The following EPHA6 variants were observed in gnomAD, a reference collection of about 807,000 sequenced individuals.
EPHA6 encodes EPH receptor A6, also known as ephrin type-A receptor 6.
A neutral mutation model predicts 112.0 loss-of-function variants in EPHA6; 50 were observed. The observed-to-expected ratio is 0.45, with a 90% CI of 0.36 to 0.56. The LOEUF (loss-of-function observed/expected upper bound fraction) is 0.56. Ranked by LOEUF, EPHA6 falls within the 20% of genes least tolerant of loss-of-function variation. EPHA6 has a pLI of 0.00. For synonymous variants in EPHA6, 529 were observed against 490.7 expected (o/e 1.08, Z -1.03); for missense variants, 1,280 against 1,417.4 (o/e 0.90, Z 1.56).
chr3:97,545,762 A>C (rs2092936635), intron 11 of EPHA6, among the ~76,000 whole-genome samples: 1 of 152,216 alleles, frequency 6.6e-6, no homozygotes, highest in African/African-American at 2.4e-5. Flanking sequence ...TATTGGGTGC[A>C]TATATATTTA....
intron 2 of EPHA6, among the ~76,000 whole-genome samples, chr3:96,980,318 C>A (rs1284086441): frequency 6.6e-6 from 1 of 152,060 alleles, no homozygotes; most frequent in Non-Finnish European, 1.5e-5. Flanking sequence ...AATCCTTTCC[C>A]CATTTCTTGT....
intron 4 of EPHA6, among the ~76,000 whole-genome samples, chr3:97,235,887 T>C (rs1187710310): frequency 6.6e-6 from 1 of 152,132 alleles, no homozygotes; most frequent in Non-Finnish European, 1.5e-5. Flanking sequence ...TTTTTCTTTT[T>C]ATTGTTGTCC....
chr3:97,034,656 C>T (rs952341427), intron 3 of EPHA6, among the ~76,000 whole-genome samples: 26 of 151,904 alleles, frequency 1.7e-4, no homozygotes, highest in African/African-American at 6.3e-4. Flanking sequence ...CTTAACATCA[C>T]CCAGGTTTAG....
intron 13 of EPHA6, among the ~76,000 whole-genome samples, chr3:97,611,411 T>G (rs897120581): frequency 2.6e-5 from 4 of 151,870 alleles, no homozygotes; most frequent in Non-Finnish European, 4.4e-5. Flanking sequence ...TTAAAGTGAT[T>G]TATCTTTAAA....
At chr3:97,408,430 C>A (rs1336241028) in intron 6 of EPHA6, among the ~76,000 whole-genome samples, 1 of 152,008 alleles carries the variant, frequency 6.6e-6, no homozygotes, top group Non-Finnish European at 1.5e-5. Context: ...ACTTTTCCCT[C>A]TTTCCTCTCC....
rs531773294 is a variant in EPHA6, at chr3:97,732,124, T to A, written c.2935-3801T>A. On this transcript the variant is annotated intron_variant, in intron 15 of 17. Coordinates refer to ENST00000389672, the MANE Select transcript of EPHA6 (RefSeq NM_001080448.3). ...TTTCCCCTTTGCATAAAATCTAAGT[T>A]TATATCATGCCAAATCATTCGTGAT... Among the ~76,000 whole-genome samples the A allele has an allele frequency of 5.9e-5, 9 of 151,988 alleles. No homozygotes were observed. In the East Asian group the frequency reaches 1.7e-3, roughly 29 times the overall value.
intron 13 of EPHA6, among the ~76,000 whole-genome samples, chr3:97,629,390 CAT>C (rs1458236207): frequency 2.0e-5 from 3 of 151,968 alleles, no homozygotes; most frequent in Non-Finnish European, 4.4e-5. Context: ...CAGACATGCA[CAT>C]ATATGAGAGC....
chr3:96,923,556 T>G (rs534505683), intron 2 of EPHA6, among the ~76,000 whole-genome samples: 6 of 152,288 alleles, frequency 3.9e-5, no homozygotes, highest in South Asian at 4.1e-4. Context: ...ATGGATAGAT[T>G]GTGAAATTTT....
chr3:97,311,185 A>G (rs1010840558), intron 5 of EPHA6, among the ~76,000 whole-genome samples: 1 of 151,694 alleles, frequency 6.6e-6, no homozygotes, highest in African/African-American at 2.4e-5. Context: ...TGTTACATAA[A>G]GTCTATTTCT....
chr3:97,134,199 A>T (rs1439675923), intron 3 of EPHA6, among the ~76,000 whole-genome samples: 1 of 152,086 alleles, frequency 6.6e-6, no homozygotes, highest in East Asian at 1.9e-4. Context: ...AAATATCAAC[A>T]TATGAAAATA....
intron 2 of EPHA6, among the ~76,000 whole-genome samples, chr3:96,948,806 T>A (rs1435091191): frequency 6.6e-6 from 1 of 152,144 alleles, no homozygotes; most frequent in East Asian, 1.9e-4. Flanking sequence ...AAAATTAATC[T>A]GTATTGATGT....
At chr3:97,139,980 T>C (rs531534934) in intron 3 of EPHA6, among the ~76,000 whole-genome samples, 3 of 151,854 alleles carry the variant, frequency 2.0e-5, no homozygotes, top group African/African-American at 7.2e-5. Flanking sequence ...TGATTTAGGA[T>C]ATGAAAGATG....
In EPHA6 at chr3:97,756,318, C is replaced by T. The variant is rs2036024799; in HGVS notation, c.*7617C>T. 6.6e-6 allele frequency among the ~76,000 whole-genome samples: 1 copy of T among 151,926 alleles called. No homozygotes were observed. Among genetic ancestry groups the T allele is most frequent in the Non-Finnish European group, 1.5e-5 (1 of 67,834 alleles). On this transcript the variant is annotated 3_prime_UTR_variant, in exon 18 of 18. Transcript: ENST00000389672. ...GCTAACAAACTTGTAACTGAACAAGCTATTTTTTTCTGTCAATGTGATTGA... is the reference window on the plus strand; with the variant it reads ...GCTAACAAACTTGTAACTGAACAAGTTATTTTTTTCTGTCAATGTGATTGA...
chr3:96,898,967 G>A (rs899985235), intron 2 of EPHA6, among the ~76,000 whole-genome samples: 1 of 151,384 alleles, frequency 6.6e-6, no homozygotes, highest in African/African-American at 2.4e-5. Context: ...GGCGGAGCTT[G>A]CAGTGAGTTG....
intron 3 of EPHA6, among the ~76,000 whole-genome samples, chr3:97,084,843 G>C (rs1282328433): frequency 6.6e-6 from 1 of 151,888 alleles, no homozygotes; most frequent in Non-Finnish European, 1.5e-5. Flanking sequence ...TACAATAACC[G>C]AAACAGCATG....
chr3:97,373,237 A>G (rs1465028883), intron 5 of EPHA6, among the ~76,000 whole-genome samples: 1 of 152,148 alleles, frequency 6.6e-6, no homozygotes, highest in Non-Finnish European at 1.5e-5. Flanking sequence ...CTGTAATAAA[A>G]TTAGGTACAA....
At chr3:97,199,067 T>TTGTG (rs2077513870) in intron 3 of EPHA6, among the ~76,000 whole-genome samples, 1 of 152,156 alleles carries the variant, frequency 6.6e-6, no homozygotes, top group African/African-American at 2.4e-5. Context: ...TTGAATGTAC[T>TTGTG]TGTGTTGGCA....
chr3:97,249,481 C>T (rs1198943798), intron 5 of EPHA6, among the ~76,000 whole-genome samples: 1 of 152,094 alleles, frequency 6.6e-6, no homozygotes, highest in Non-Finnish European at 1.5e-5. Flanking sequence ...TTGTGACACA[C>T]ATCTTTTGAG....
intron 2 of EPHA6, among the ~76,000 whole-genome samples, chr3:96,880,060 C>T (rs1388665986): frequency 2.6e-5 from 4 of 151,954 alleles, no homozygotes; most frequent in Non-Finnish European, 5.9e-5. Flanking sequence ...CTATACAGTT[C>T]ATCCATGTAA....
Sources: allele counts gnomAD v4.1 joint callset (sites outside exome capture counted in the v4.1 genomes callset), GRCh38; gene constraint gnomAD v4.1.1; transcripts MANE v1.5; gene names NCBI Gene and HGNC (gene_info 2026-07-23, HGNC 2026-07-21).